LRMDA: variants seen among roughly 807,000 people sequenced by gnomAD.
The protein encoded by LRMDA is leucine rich melanocyte differentiation associated, also known as leucine-rich melanocyte differentiation-associated protein.
In LRMDA, 18 loss-of-function variants were observed where a neutral mutation model predicts 29.8. The observed-to-expected ratio is 0.60, with a 90% CI of 0.42 to 0.90. LRMDA has a LOEUF of 0.90. Ranked by LOEUF, LRMDA falls within the 40% of genes least tolerant of loss-of-function variation. The pLI is 0.00. For synonymous variants in LRMDA, 125 were observed against 109.4 expected (o/e 1.14, Z -0.89); for missense variants, 273 against 273.9 (o/e 1.00, Z 0.02).
intron 5 of LRMDA, among the ~76,000 whole-genome samples, chr10:76,160,959 G>T (rs1023029361): frequency 2.0e-5 from 3 of 152,206 alleles, no homozygotes; most frequent in Non-Finnish European, 4.4e-5. Context: ...GAGTGTGGGG[G>T]CCTGAAACAC....
At chr10:76,417,275 G>A (rs968821688) in intron 6 of LRMDA, among the ~76,000 whole-genome samples, 1 of 152,060 alleles carries the variant, frequency 6.6e-6, no homozygotes, top group Non-Finnish European at 1.5e-5. Context: ...TGTTTTATTA[G>A]CATGTCTTTC....
At chr10:76,355,758 T>C (rs1841232127) in intron 6 of LRMDA, among the ~76,000 whole-genome samples, 1 of 152,198 alleles carries the variant, frequency 6.6e-6, no homozygotes, top group Admixed American at 6.5e-5. Flanking sequence ...GTTGCATGCA[T>C]GCCGATTGTG....
At chr10:75,560,935 C>T (rs1271634621) in intron 2 of LRMDA, among the ~76,000 whole-genome samples, 1 of 151,720 alleles carries the variant, frequency 6.6e-6, no homozygotes, top group Non-Finnish European at 1.5e-5. Context: ...ATTTGGTTTG[C>T]CAGTATTTTA....
intron 6 of LRMDA, among the ~76,000 whole-genome samples, chr10:76,517,240 T>C (rs1486277867): frequency 6.6e-6 from 1 of 152,048 alleles, no homozygotes; most frequent in Non-Finnish European, 1.5e-5. Flanking sequence ...TGAAAATATA[T>C]ACGATACATA....
intron 5 of LRMDA, among the ~76,000 whole-genome samples, chr10:76,302,946 TGAAAATCCCC>T (rs1370224991): frequency 6.6e-6 from 1 of 152,182 alleles, no homozygotes; most frequent in Non-Finnish European, 1.5e-5. Flanking sequence ...TCAAAATCCC[TGAAAATCCCC>T]AATCTCCTTT....
intron 2 of LRMDA, among the ~76,000 whole-genome samples, chr10:75,944,242 G>T (rs899653218): frequency 6.6e-6 from 1 of 151,930 alleles, no homozygotes. Context: ...ATCATCTCTG[G>T]CCTCCATTGT....
At chr10:75,443,529 A>T (rs1185277445) in intron 2 of LRMDA, among the ~76,000 whole-genome samples, 1 of 152,180 alleles carries the variant, frequency 6.6e-6, no homozygotes, top group South Asian at 2.1e-4. Context: ...CGTATGTTAA[A>T]CTATCCTTGC....
At chr10:75,968,371 A>G (rs544307696) in intron 2 of LRMDA, among the ~76,000 whole-genome samples, 10 of 152,304 alleles carry the variant, frequency 6.6e-5, no homozygotes, top group Non-Finnish European at 1.2e-4. Flanking sequence ...CCGGGAGACC[A>G]GCCCATCTTT....
chr10:75,490,312 A>G (rs1160050666), intron 2 of LRMDA, among the ~76,000 whole-genome samples: 1 of 148,324 alleles, frequency 6.7e-6, no homozygotes, highest in Non-Finnish European at 1.5e-5. Context: ...AAGAATATGT[A>G]TGTGCATATA....
At chr10:76,373,724 C>T (rs1223065576) in intron 6 of LRMDA, among the ~76,000 whole-genome samples, 1 of 152,128 alleles carries the variant, frequency 6.6e-6, no homozygotes, top group African/African-American at 2.4e-5. Context: ...GCTATCCTAG[C>T]ATAGCCTATC....
chr10:76,161,953 A>G (rs1850654750), intron 5 of LRMDA, among the ~76,000 whole-genome samples: 1 of 152,240 alleles, frequency 6.6e-6, no homozygotes, highest in Non-Finnish European at 1.5e-5. Flanking sequence ...TTTAGGGTAT[A>G]AAATAATATT....
rs1843573390 is a variant in LRMDA at position 76,557,492 on chromosome 10, G to C, written c.*204G>C. 1.7e-6 allele frequency: 1 copy of C among 595,788 alleles called. No homozygotes were observed. The highest frequency in any genetic ancestry group is 2.1e-5 in the South Asian group (1 of 48,762). 36.9% of individuals were successfully genotyped at this position (595,788 alleles called of 1,614,324 possible). A position where few individuals can be genotyped will look rare whatever the true frequency, so the allele number is the denominator to read the frequency against. The stretch of plus-strand genomic sequence containing the variant: ...GCCTTAGACTGAGTGGTCACATAGA[G>C]ATTGACATGATTGCCCTTAAGCAGG... On this transcript the variant is annotated 3_prime_UTR_variant, in exon 7 of 7. Coordinates refer to ENST00000611255, the MANE Select transcript of LRMDA (RefSeq NM_001305581.2).
At chr10:75,694,981 A>G (rs4745788) in intron 2 of LRMDA, among the ~76,000 whole-genome samples, 64,530 of 152,008 alleles carry the variant, frequency 0.42, 18,346 homozygotes, top group African/African-American at 0.81. Context: ...AGTGGGAGCC[A>G]CAGTGTCTGC....
At chr10:76,525,391 A>G (rs897009568) in intron 6 of LRMDA, among the ~76,000 whole-genome samples, 1 of 152,158 alleles carries the variant, frequency 6.6e-6, no homozygotes, top group African/African-American at 2.4e-5. Flanking sequence ...CTCACCCACT[A>G]CTGCTCCTGA....
chr10:76,517,801 A>G (rs899143680), intron 6 of LRMDA, among the ~76,000 whole-genome samples: 3 of 151,946 alleles, frequency 2.0e-5, no homozygotes, highest in East Asian at 3.8e-4. Flanking sequence ...CAGAGTTTAA[A>G]TGTTCAGGCA....
chr10:75,959,368 G>A (rs1000192476), intron 2 of LRMDA, among the ~76,000 whole-genome samples: 1 of 152,188 alleles, frequency 6.6e-6, no homozygotes, highest in Admixed American at 6.5e-5. Context: ...ATGAATGTGT[G>A]AAAGCTTGGA....
chr10:75,498,157 A>G (rs1185001968), intron 2 of LRMDA, among the ~76,000 whole-genome samples: 2 of 152,170 alleles, frequency 1.3e-5, no homozygotes, highest in Non-Finnish European at 1.5e-5. Context: ...GTGCTCCAAT[A>G]TGACATTTTC....
chr10:76,453,237 G>C (rs1388824710), intron 6 of LRMDA, among the ~76,000 whole-genome samples: 2 of 152,126 alleles, frequency 1.3e-5, no homozygotes, highest in Non-Finnish European at 2.9e-5. Flanking sequence ...TAAATATGCT[G>C]TCCCTTCTAT....
intron 2 of LRMDA, among the ~76,000 whole-genome samples, chr10:75,666,474 A>T (rs1431821982): frequency 6.6e-6 from 1 of 152,150 alleles, no homozygotes; most frequent in African/African-American, 2.4e-5. Context: ...CAGTATGTTT[A>T]TATGACCACA....
Sources: gnomAD v4.1 joint callset for allele counts (sites outside exome capture counted in the v4.1 genomes callset) on GRCh38, gnomAD v4.1.1 for gene constraint, MANE v1.5 for transcripts, NCBI Gene and HGNC (gene_info 2026-07-23, HGNC 2026-07-21) for gene names.